The following ZDHHC22 variants were observed in gnomAD, a reference collection of about 807,000 sequenced individuals.
ZDHHC22 encodes the protein zDHHC palmitoyltransferase 22, also known as palmitoyltransferase ZDHHC22.
A neutral mutation model predicts 17.0 loss-of-function variants in ZDHHC22; 13 were observed. That is an observed-to-expected ratio of 0.76 (90% CI 0.50 to 1.21). The LOEUF is 1.21. Among genes scored for constraint, ZDHHC22 ranks in the 50% most tolerant of loss-of-function variants. The pLI is 0.00. For synonymous variants in ZDHHC22, 138 were observed against 154.7 expected, an observed-to-expected ratio of 0.89 and a Z score of 0.80; for missense variants, 319 against 342.3, an observed-to-expected ratio of 0.93 and a Z score of 0.54.
chr14:77,134,128 T>G (rs544305784), intron 2 of ZDHHC22, among the ~76,000 whole-genome samples, 180 bp from the exon 3 acceptor site: 8 of 152,248 alleles, frequency 5.3e-5, no homozygotes, highest in African/African-American at 1.7e-4. Context: ...CCAGCTGCCC[T>G]AACTTTTTCT....
chr14:77,135,191 G>T (rs1050197204), intron 2 of ZDHHC22, among the ~76,000 whole-genome samples: 8 of 2,622 alleles, frequency 3.1e-3, no homozygotes, highest in African/African-American at 3.1e-3. Flanking sequence ...CTCCTCTGGT[G>T]GGGGGGGGGC....
chr14:77,138,713 T>C (rs1408115933), intron 2 of ZDHHC22, among the ~76,000 whole-genome samples: 1 of 152,122 alleles, frequency 6.6e-6, no homozygotes, highest in East Asian at 1.9e-4. Flanking sequence ...ACAAGTTCAA[T>C]ATTACTGCAA....
At position 77,139,216 on chromosome 14, in the gene ZDHHC22, A is replaced by T. The variant is rs1278295864; in HGVS notation, c.523T>A (p.Ser175Thr). 2 of 1,575,600 alleles carry T rather than the reference A, an allele frequency of 1.3e-6. No individual in the cohort carries two copies. The highest frequency in any genetic ancestry group is 1.7e-6 in the Non-Finnish European group (2 of 1,160,434). ...LLPTSISQFF[S>T]GAVLGSEMFV... ...CTGCCCGCCAAGGCCCACTCACCGGAGAAGAACTGGCTGATGGAGGTGGGC... is the reference window on the plus strand; with the variant it reads ...CTGCCCGCCAAGGCCCACTCACCGGTGAAGAACTGGCTGATGGAGGTGGGC... Residue 175 changes from serine to threonine, a missense_variant, in exon 2 of 3, where the codon TCC becomes ACC. Transcript: ENST00000319374.
chr14:77,133,471 G>A lies in ZDHHC22; in HGVS notation c.*212C>T. 1 of 646,620 alleles carries A rather than the reference G, an allele frequency of 1.5e-6. No homozygotes were observed. Among genetic ancestry groups the A allele is most frequent in the South Asian group, 2.8e-5 (1 of 35,922 alleles). 40.1% of individuals were successfully genotyped at this position (646,620 alleles called of 1,614,324 possible). A position where few individuals can be genotyped will look rare whatever the true frequency, so the allele number is the denominator to read the frequency against. ...CAGCTAGCAGCCACCTGGCTGGCTC[G>A]TGAGGAGCCTAGAAATGCCTGGGGG... On this transcript the variant is annotated 3_prime_UTR_variant, in exon 3 of 3. Coordinates refer to ENST00000319374, the MANE Select transcript of ZDHHC22 (RefSeq NM_174976.2).
At position 77,132,805 on chromosome 14, in the gene ZDHHC22, C is replaced by CTG. The variant is rs1348484646; in HGVS notation, c.*877_*878insCA. ...ACTTCTCACCACCACCCATCTCTCT[C>CTG]TCTCTCTCTCTCACACACACACACA... is the stretch of plus-strand genomic sequence containing the variant. On this transcript the variant is annotated 3_prime_UTR_variant, in exon 3 of 3. Transcript: ENST00000319374. 3 of 121,284 alleles carry CTG rather than the reference C, an allele frequency of 2.5e-5. No individual in the cohort carries two copies. The highest frequency in any genetic ancestry group is 1.0e-4 in the African/African-American group (3 of 29,340). The allele number at this position is 121,284 out of a possible 1,614,324, so 7.5% of individuals were successfully genotyped here. A position where few individuals can be genotyped will look rare whatever the true frequency, so the allele number is the denominator to read the frequency against.
Position 77,139,557 on chromosome 14 carries a change from G to A in ZDHHC22, c.182C>T (p.Ala61Val). The change falls in exon 2 of 3, where the codon GCC becomes GTC. Residue 61 changes from alanine (A) to valine (V), a missense_variant. Ala to Val is a moderately conservative substitution (Grantham distance 64, BLOSUM62 0). Coordinates refer to ENST00000319374, the MANE Select transcript of ZDHHC22 (RefSeq NM_174976.2). ...GATGACAAGGACGTAATTGCCCAGG[G>A]CGTTGGCCGAGAGGAATAGGAAGAG... is the stretch of plus-strand genomic sequence containing the variant. Reference protein sequence around the residue: ...GALFLFLSANALGNYVLVIQN... With the variant: ...GALFLFLSANVLGNYVLVIQN... 6.2e-7 allele frequency: 1 copy of A among 1,604,554 alleles called. No homozygotes were observed. Among genetic ancestry groups the A allele is most frequent in the Non-Finnish European group, 8.5e-7 (1 of 1,175,490 alleles).
At chr14:77,138,009 A>G (rs1356655286) in intron 2 of ZDHHC22, among the ~76,000 whole-genome samples, 2 of 152,208 alleles carry the variant, frequency 1.3e-5, no homozygotes, top group African/African-American at 4.8e-5. Context: ...CAAGCCACTT[A>G]GTCCCGTCTG....
At chr14:77,139,062 A>T in intron 2 of ZDHHC22, 151 bp downstream of exon 2, 1 of 898,296 alleles carries the variant, frequency 1.1e-6, no homozygotes, top group Non-Finnish European at 1.7e-6. Flanking sequence ...AAAAATTATG[A>T]GTTGTTTATC....
Position 77,133,079 on chromosome 14 carries a change from T to G in ZDHHC22, c.*604A>C, listed in dbSNP as rs1376556906. ...ACATTTGGAAAAAGCAGGCCATTGATTGCTGTCTCCCAGAAAAAGGGTCTT... is the reference window on the plus strand; with the variant it reads ...ACATTTGGAAAAAGCAGGCCATTGAGTGCTGTCTCCCAGAAAAAGGGTCTT... On this transcript the variant is annotated 3_prime_UTR_variant, in exon 3 of 3. Transcript: ENST00000319374. 6.6e-6 allele frequency: 1 copy of G among 152,440 alleles called. No homozygotes were observed. Among genetic ancestry groups the G allele is most frequent in the Non-Finnish European group, 1.5e-5 (1 of 68,356 alleles). The allele number at this position is 152,440 out of a possible 1,614,324, so 9.4% of individuals were successfully genotyped here.
At chr14:77,136,185 C>G (rs1358860860) in intron 2 of ZDHHC22, among the ~76,000 whole-genome samples, 2 of 152,168 alleles carry the variant, frequency 1.3e-5, no homozygotes, top group Non-Finnish European at 2.9e-5. Context: ...CCCCAAGAGG[C>G]AGTATGGTGG....
At chr14:77,139,152 G>A (rs1887193524) in intron 2 of ZDHHC22, 61 bp downstream of exon 2, 8 of 1,499,814 alleles carry the variant, frequency 5.3e-6, no homozygotes, top group Non-Finnish European at 6.3e-6. Flanking sequence ...TTGGGGCCCG[G>A]CAACCTTTGG....
intron 2 of ZDHHC22, 72 bp downstream of exon 2, chr14:77,139,141 T>C: frequency 6.7e-7 from 1 of 1,485,438 alleles, no homozygotes; most frequent in Non-Finnish European, 9.0e-7. Context: ...GGGGTTGGGG[T>C]TTGGGGCCCG....
At chr14:77,139,813 C>G (rs1201709237) in intron 1 of ZDHHC22, 61 bp from the exon 2 acceptor site, 1 of 1,431,144 alleles carries the variant, frequency 7.0e-7, no homozygotes, top group African/African-American at 1.4e-5. Flanking sequence ...GCGCCCTCGC[C>G]CGCTCCTCCG....
In ZDHHC22 at chr14:77,132,697, T is replaced by G. The variant is rs1351315051; in HGVS notation, c.*986A>C. On this transcript the variant is annotated 3_prime_UTR_variant, in exon 3 of 3. Coordinates refer to ENST00000319374, the MANE Select transcript of ZDHHC22 (RefSeq NM_174976.2). ...AAGAGTTTCAGCTGCTGGAATGCCC[T>G]TTGTATAGGGCATAAATGAACCCAA... is the stretch of plus-strand genomic sequence containing the variant. The G allele has an allele frequency of 6.6e-6, 1 of 152,144 alleles. No individual in the cohort carries two copies. Among genetic ancestry groups the G allele is most frequent in the Non-Finnish European group, 1.5e-5 (1 of 68,028 alleles). 9.4% of individuals were successfully genotyped at this position (152,144 alleles called of 1,614,324 possible). A position where few individuals can be genotyped will look rare whatever the true frequency, so the allele number is the denominator to read the frequency against.
chr14:77,133,919 T>C lies in ZDHHC22; in HGVS notation c.556A>G (p.Ile186Val), dbSNP rs1594829550. Residue 186 changes from isoleucine (I) to valine (V), a missense_variant, in exon 3 of 3, where the codon ATC becomes GTC. By Grantham distance (29) the Ile-to-Val change is conservative (BLOSUM62 3). Transcript: ENST00000319374. ...GCGAACCAGAGGTAGAGCATGAGGA[T>C]GACGAACATTTCAGAACCCAGGACA... ...GAVLGSEMFV[I>V]LMLYLWFAIG... is the part of the protein sequence containing the mutation. The C allele has an allele frequency of 3.1e-6, 5 of 1,606,496 alleles. No individual in the cohort carries two copies. The highest frequency in any genetic ancestry group is 1.3e-5 in the African/African-American group (1 of 74,740).
chr14:77,139,625 G>T lies in ZDHHC22; in HGVS notation c.114C>A (p.Pro38=). 6.3e-7 allele frequency: 1 copy of T among 1,580,546 alleles called. No individual in the cohort carries two copies. Among genetic ancestry groups the T allele is most frequent in the East Asian group, 2.3e-5 (1 of 43,360 alleles). ...FLFLPSMRED[P]AAARLFSPAL... ...CGGGCGAGAAGAGCCGGGCGGCCGC[G>T]GGGTCCTCGCGCATGCTGGGCAGGA... The change falls in exon 2 of 3, where the codon CCC becomes CCA. Residue 38 remains proline (P), a synonymous_variant. Transcript: ENST00000319374.
At chr14:77,138,421 G>C (rs920966516) in intron 2 of ZDHHC22, among the ~76,000 whole-genome samples, 1 of 152,164 alleles carries the variant, frequency 6.6e-6, no homozygotes, top group Admixed American at 6.5e-5. Flanking sequence ...AGTGTGGCGT[G>C]GTGGCACGCA....
At chr14:77,134,583 G>A (rs887626622) in intron 2 of ZDHHC22, among the ~76,000 whole-genome samples, 1 of 152,152 alleles carries the variant, frequency 6.6e-6, no homozygotes, top group African/African-American at 2.4e-5. Flanking sequence ...GGCCACCACC[G>A]CATTCCACCA....
At chr14:77,137,048 C>T (rs985120828) in intron 2 of ZDHHC22, among the ~76,000 whole-genome samples, 2 of 152,170 alleles carry the variant, frequency 1.3e-5, no homozygotes, top group East Asian at 1.9e-4. Flanking sequence ...CTTTTCTGTC[C>T]ACCTGTCCTC....
Sources: gnomAD v4.1 joint callset for allele counts (sites outside exome capture counted in the v4.1 genomes callset) on GRCh38, gnomAD v4.1.1 for gene constraint, MANE v1.5 for transcripts, NCBI Gene and HGNC (gene_info 2026-07-23, HGNC 2026-07-21) for gene names.